TNS1: variants seen among roughly 807,000 people sequenced by gnomAD.
TNS1 encodes the protein tensin 1.
In TNS1, 62 loss-of-function variants were observed where a neutral mutation model predicts 168.6. The observed-to-expected ratio is 0.37, with a 90% CI of 0.30 to 0.45. TNS1 has a LOEUF of 0.45. TNS1 is among the 20% of genes least tolerant of loss of function. The probability of loss-of-function intolerance (pLI) is 1.00; values close to 1 mark genes in which losing one functional copy is unlikely to be tolerated. For missense variants in TNS1, 2,240 were observed against 2,339.4 expected (o/e 0.96, Z 0.88); for synonymous variants, 934 against 933.2 (o/e 1.00, Z -0.02).
At chr2:217,922,475 G>T (rs1955774934) in intron 3 of TNS1, among the ~76,000 whole-genome samples, 1 of 152,216 alleles carries the variant, frequency 6.6e-6, no homozygotes, top group Non-Finnish European at 1.5e-5. Flanking sequence ...CAAGCTGCCA[G>T]AGGACGGGCT....
At chr2:217,922,409 C>T (rs1955770465) in intron 3 of TNS1, among the ~76,000 whole-genome samples, 1 of 152,108 alleles carries the variant, frequency 6.6e-6, no homozygotes, top group African/African-American at 2.4e-5. Flanking sequence ...CCCAGGACAG[C>T]ACCCTTGCTG....
chr2:218,011,501 A>AGTGG (rs1235476435), upstream of TNS1, among the ~76,000 whole-genome samples: 1 of 152,158 alleles, frequency 6.6e-6, no homozygotes, highest in Non-Finnish European at 1.5e-5. Flanking sequence ...ACTGGAGCCC[A>AGTGG]GCCAGACCCC....
intron 22 of TNS1, among the ~76,000 whole-genome samples, chr2:217,822,507 C>T (rs1943024940): frequency 6.6e-6 from 1 of 152,160 alleles, no homozygotes. Flanking sequence ...CCAAGACACA[C>T]CCACCCCTCT....
intron 27 of TNS1, 145 bp from the exon 28 acceptor site, chr2:217,812,590 A>C: frequency 1.6e-6 from 1 of 634,664 alleles, no homozygotes; most frequent in Non-Finnish European, 2.7e-6. Flanking sequence ...GAAAATTCAC[A>C]CCCTCTTGTT....
intron 3 of TNS1, among the ~76,000 whole-genome samples, chr2:217,922,751 C>T (rs536680406): frequency 5.5e-4 from 84 of 152,230 alleles, no homozygotes; most frequent in Non-Finnish European, 1.0e-3. Context: ...CAGAGGCACC[C>T]CCTAAGAACC....
At chr2:217,959,324 T>G (rs1260543962) in intron 3 of TNS1, among the ~76,000 whole-genome samples, 1 of 152,142 alleles carries the variant, frequency 6.6e-6, no homozygotes, top group Non-Finnish European at 1.5e-5. Flanking sequence ...GCATGGAACC[T>G]TAGCATGGAA....
At chr2:217,851,180 C>T (rs947872025) in intron 18 of TNS1, among the ~76,000 whole-genome samples, 1 of 151,406 alleles carries the variant, frequency 6.6e-6, no homozygotes, top group Non-Finnish European at 1.5e-5. Flanking sequence ...GGCAGGAATA[C>T]CCCCAAATAA....
chr2:217,888,842 A>G (rs1951472101), intron 12 of TNS1, among the ~76,000 whole-genome samples: 1 of 152,204 alleles, frequency 6.6e-6, no homozygotes, highest in Non-Finnish European at 1.5e-5. Flanking sequence ...TATCAGCAGC[A>G]TGAAAATGGA....
At chr2:217,943,406 A>T (rs780224477) in intron 3 of TNS1, among the ~76,000 whole-genome samples, 6 of 152,160 alleles carry the variant, frequency 3.9e-5, no homozygotes, top group Non-Finnish European at 5.9e-5. Flanking sequence ...AAAGAGATGA[A>T]GAAGAAAAAA....
At chr2:217,874,597 A>G (rs1950056421) in intron 18 of TNS1, among the ~76,000 whole-genome samples, 1 of 152,172 alleles carries the variant, frequency 6.6e-6, no homozygotes, top group South Asian at 2.1e-4. Flanking sequence ...AGAGCCAGCT[A>G]TAGATGGTTC....
At chr2:217,937,308 G>A in intron 3 of TNS1, 1 of 311,706 alleles carries the variant, frequency 3.2e-6, no homozygotes, top group Non-Finnish European at 6.3e-6. Context: ...GCGGCCCCGT[G>A]TGCCCAGCTG....
At chr2:217,805,645 CA>C (rs1938772562) in intron 32 of TNS1, among the ~76,000 whole-genome samples, 1 of 54,680 alleles carries the variant, frequency 1.8e-5, no homozygotes. Context: ...CCACACACAT[CA>C]CACACACACA....
rs551602746 is a variant in TNS1, at chr2:217,948,326, C to T, written c.187-28090G>A. ...GGGCCCTCACTCTCTTCTTCCCCCT[C>T]CATCACAGAGAAGGAAGGGCCACAT... On this transcript the variant is annotated intron_variant, in intron 3 of 32. Transcript: ENST00000682258. This position sits in a 1 kb window ranked among gnomAD's most constrained non-coding sequence, Gnocchi z 4.1. 1.8e-4 allele frequency among the ~76,000 whole-genome samples: 28 copies of T among 152,278 alleles called. No individual in the cohort carries two copies. Among genetic ancestry groups the T allele is most frequent in the African/African-American group, 6.3e-4 (26 of 41,550 alleles).
intron 3 of TNS1, among the ~76,000 whole-genome samples, chr2:217,940,657 C>G (rs1956864961): frequency 6.6e-6 from 1 of 152,192 alleles, no homozygotes; most frequent in African/African-American, 2.4e-5. Flanking sequence ...TGTGAGGGGG[C>G]TCCCCTGGTC....
At chr2:217,924,400 T>G (rs1955900042) in intron 3 of TNS1, among the ~76,000 whole-genome samples, 1 of 152,158 alleles carries the variant, frequency 6.6e-6, no homozygotes, top group African/African-American at 2.4e-5. Flanking sequence ...CAATTTGTAA[T>G]TATAGGTGTG....
chr2:217,939,982 G>A (rs1956829714), intron 3 of TNS1, among the ~76,000 whole-genome samples: 1 of 152,274 alleles, frequency 6.6e-6, no homozygotes, highest in Admixed American at 6.5e-5. Context: ...GACCATTGGA[G>A]GGAAGGAAAG....
At chr2:217,901,176 G>A (rs868787082) in intron 6 of TNS1, among the ~76,000 whole-genome samples, 12 of 152,144 alleles carry the variant, frequency 7.9e-5, no homozygotes, top group South Asian at 6.2e-4. Flanking sequence ...CCATCCCAGG[G>A]CAGCAGGATG....
intron 3 of TNS1, among the ~76,000 whole-genome samples, chr2:217,971,973 C>T (rs953391652): frequency 1.1e-4 from 17 of 152,330 alleles, no homozygotes; most frequent in African/African-American, 3.8e-4. Context: ...ATCCAGTCTT[C>T]ACACCACTGC....
Position 217,848,933 on chromosome 2 carries a change from G to A in TNS1, c.1584C>T (p.Ser528=). 6.2e-7 allele frequency: 1 copy of A among 1,614,158 alleles called. No individual in the cohort carries two copies. Among genetic ancestry groups the A allele is most frequent in the Non-Finnish European group, 8.5e-7 (1 of 1,180,016 alleles). Residue 528 remains serine, a synonymous_variant, in exon 19 of 33, where the codon AGC becomes AGT. Coordinates refer to ENST00000682258, the MANE Select transcript of TNS1 (RefSeq NM_001387777.1). The part of the protein sequence containing the change: ...PNHVEHTLSV[S]SDSGNSTAST... ...AGGCTGTGGAGTTGCCCGAGTCGCT[G>A]CTCACAGAAAGCGTGTGTTCCACGT...
Sources: gnomAD v4.1 joint callset for allele counts (sites outside exome capture counted in the v4.1 genomes callset) on GRCh38, gnomAD v4.1.1 for gene constraint, Gnocchi (gnomAD v3.1) non-coding constraint, MANE v1.5 for transcripts, NCBI Gene and HGNC (gene_info 2026-07-23, HGNC 2026-07-21) for gene names.